Variants in NOX4 observed in about 807,000 individuals in gnomAD.
The protein encoded by NOX4 is kidney oxidase-1.
Under a neutral mutation model 87.6 loss-of-function variants are expected in NOX4, and 69 were observed. That is an observed-to-expected ratio of 0.79 (90% CI 0.65 to 0.96). NOX4 has a LOEUF of 0.96. Among genes scored for constraint, NOX4 ranks in the 40% least tolerant of loss-of-function variants. The pLI is 0.00. For synonymous variants in NOX4, 275 were observed against 238.2 expected (o/e 1.15, Z -1.42); for missense variants, 680 against 681.5 (o/e 1.00, Z 0.02).
In NOX4 at chr11:89,340,073, AACAT is replaced by A; in HGVS notation, c.1432_1435del (p.Met478CysfsTer29). 6.5e-7 allele frequency: 1 copy of A among 1,543,964 alleles called. No individual in the cohort carries two copies. Among genetic ancestry groups the A allele is most frequent in the Non-Finnish European group, 8.7e-7 (1 of 1,150,382 alleles). ...CAACCCTAATGTTACCTTGTTATGCAACATACAGAGTAAATCTGCAAACCAACGG... is the reference window on the plus strand; with the variant it reads ...CAACCCTAATGTTACCTTGTTATGCAACAGAGTAAATCTGCAAACCAACGG... On this transcript the variant is annotated frameshift_variant, in exon 15 of 18. Transcript: ENST00000263317. LOFTEE classifies it high-confidence loss of function.
At chr11:89,435,490 C>T (rs938709249) in intron 6 of NOX4, among the ~76,000 whole-genome samples, 1 of 151,942 alleles carries the variant, frequency 6.6e-6, no homozygotes, top group African/African-American at 2.4e-5. Flanking sequence ...GTTTCTATTA[C>T]TAAAAATACT....
chr11:89,428,577 A>G (rs1023976535), intron 7 of NOX4, among the ~76,000 whole-genome samples: 2 of 152,030 alleles, frequency 1.3e-5, no homozygotes, highest in Non-Finnish European at 2.9e-5. Context: ...AGTCTCTGAT[A>G]AAACAGACTT....
intron 12 of NOX4, among the ~76,000 whole-genome samples, chr11:89,368,701 C>T (rs1161743035): frequency 6.6e-6 from 1 of 151,994 alleles, no homozygotes; most frequent in Non-Finnish European, 1.5e-5. Flanking sequence ...TTTCAATATA[C>T]GAATTACAGG....
the NOX4 span, among the ~76,000 whole-genome samples, chr11:89,506,957 T>C: frequency 2.0e-5 from 3 of 152,028 alleles, 1 homozygote. Flanking sequence ...TGCAATACTA[T>C]TCACCAATAA....
chr11:89,575,116 G>A, the NOX4 span, among the ~76,000 whole-genome samples: 2 of 152,084 alleles, frequency 1.3e-5, no homozygotes, highest in South Asian at 4.1e-4. Flanking sequence ...CCAGGAGTCA[G>A]AGGTTGCAGT....
intron 11 of NOX4, among the ~76,000 whole-genome samples, chr11:89,384,503 A>G (rs1184343652): frequency 6.6e-6 from 1 of 152,110 alleles, no homozygotes; most frequent in Admixed American, 6.5e-5. Flanking sequence ...CCACTTCTAC[A>G]AAACAACAAC....
the NOX4 span, among the ~76,000 whole-genome samples, chr11:89,505,449 A>G: frequency 6.6e-6 from 1 of 151,924 alleles, no homozygotes; most frequent in African/African-American, 2.4e-5. Context: ...CGTAACTTTA[A>G]TGAGAGTGTG....
At chr11:89,410,973 G>T (rs1188869665) in intron 8 of NOX4, among the ~76,000 whole-genome samples, 4 of 152,008 alleles carry the variant, frequency 2.6e-5, no homozygotes, top group African/African-American at 7.2e-5. Flanking sequence ...TCTTCCTTCT[G>T]CTTGAAGAGA....
intron 4 of NOX4, among the ~76,000 whole-genome samples, chr11:89,446,201 C>CT (rs1247593098): frequency 2.2e-4 from 34 of 152,206 alleles, no homozygotes; most frequent in Non-Finnish European, 2.9e-5. Flanking sequence ...ATCCAGAATA[C>CT]TGACAACACC....
chr11:89,432,820 A>T lies in NOX4; in HGVS notation c.512T>A (p.Leu171Gln). ...TGTAGAGGCTGTGATCATGAGGAAT[A>T]GCACCACCACCATGCAGACCCCTGT... ...GLTGVCMVVV[L>Q]FLMITASTYA... Residue 171 changes from leucine (L) to glutamine (Q), a missense_variant, in exon 7 of 18, where the codon CTA becomes CAA. By Grantham distance (113) the Leu-to-Gln change is moderately radical. Transcript: ENST00000263317. The T allele has an allele frequency of 3.1e-6, 5 of 1,611,674 alleles. No homozygotes were observed. Among genetic ancestry groups the T allele is most frequent in the Non-Finnish European group, 3.4e-6 (4 of 1,178,376 alleles).
chr11:89,352,011 A>G (rs577144345), intron 13 of NOX4, among the ~76,000 whole-genome samples: 2 of 152,312 alleles, frequency 1.3e-5, no homozygotes, highest in African/African-American at 4.8e-5. Flanking sequence ...CAGACACAGA[A>G]AGTTAAATAC....
upstream of NOX4, among the ~76,000 whole-genome samples, chr11:89,494,086 T>C (rs759804952): frequency 5.9e-5 from 9 of 152,172 alleles, no homozygotes; most frequent in Non-Finnish European, 1.2e-4. Context: ...AGTTGCTGTA[T>C]TTCCCAAACT....
chr11:89,352,114 G>T (rs1172177994), intron 13 of NOX4, among the ~76,000 whole-genome samples: 1 of 152,152 alleles, frequency 6.6e-6, no homozygotes, highest in East Asian at 1.9e-4. Context: ...AAAGGTTGCA[G>T]GGGGGCTAGG....
rs550075933 is a variant in NOX4, at chr11:89,438,492, A to T, written c.475+2196T>A. Reference sequence around the variant, plus strand: ...TATTATATACTATATATACTATATAATATACAGCATATATATTATATACTA... The same window carrying T: ...TATTATATACTATATATACTATATATTATACAGCATATATATTATATACTA... On this transcript the variant is annotated intron_variant, in intron 6 of 17. Transcript: ENST00000263317. Among the ~76,000 whole-genome samples the T allele has an allele frequency of 6.9e-3, 540 of 78,732 alleles. 29 individuals carry two copies. The highest frequency in any genetic ancestry group is 0.038 in the African/African-American group (500 of 13,298). The allele number at this position is 78,732 out of a possible 152,430, so 51.7% of individuals were successfully genotyped here. A position where few individuals can be genotyped will look rare whatever the true frequency, so the allele number is the denominator to read the frequency against.
upstream of NOX4, among the ~76,000 whole-genome samples, chr11:89,502,665 A>G (rs1341055092): frequency 6.6e-6 from 1 of 152,080 alleles, no homozygotes; most frequent in Non-Finnish European, 1.5e-5. Context: ...TCTAAATGCT[A>G]TAATTGAATT....
At chr11:89,492,339 C>T (rs1010306526), upstream of NOX4, 1 of 152,188 alleles carries the variant, frequency 6.6e-6, no homozygotes, top group Non-Finnish European at 1.5e-5. Flanking sequence ...CTAGATTTAA[C>T]AACTAATGAG....
At chr11:89,441,781 T>C (rs1339145414) in intron 5 of NOX4, among the ~76,000 whole-genome samples, 1 of 151,836 alleles carries the variant, frequency 6.6e-6, no homozygotes, top group Non-Finnish European at 1.5e-5. Flanking sequence ...GTTTTCACAG[T>C]GGCAAGATGA....
At chr11:89,519,589 A>G in the NOX4 span, among the ~76,000 whole-genome samples, 1 of 152,102 alleles carries the variant, frequency 6.6e-6, no homozygotes. Flanking sequence ...GACTATCAGT[A>G]TATAAGTTGG....
chr11:89,516,878 C>A, the NOX4 span, among the ~76,000 whole-genome samples: 1 of 151,990 alleles, frequency 6.6e-6, no homozygotes, highest in East Asian at 1.9e-4. Flanking sequence ...GGAGTTCTTT[C>A]TGCCAGAAAG....
Sources: allele counts gnomAD v4.1 joint callset (sites outside exome capture counted in the v4.1 genomes callset), GRCh38; gene constraint gnomAD v4.1.1; transcripts MANE v1.5; gene names NCBI Gene and HGNC (gene_info 2026-07-23, HGNC 2026-07-21).